The following ULK1 variants were observed in gnomAD, a reference collection of about 807,000 sequenced individuals.
The protein encoded by ULK1 is unc-51 like autophagy activating kinase 1, also known as serine/threonine-protein kinase ULK1.
Under a neutral mutation model 117.5 loss-of-function variants are expected in ULK1, and 48 were observed. The ratio of observed to expected loss-of-function variants is 0.41; its 90% confidence interval spans 0.32 to 0.52. The LOEUF (loss-of-function observed/expected upper bound fraction) is 0.52. Ranked by LOEUF, ULK1 falls within the 20% of genes least tolerant of loss-of-function variation. The pLI is 0.29. For missense variants in ULK1, 1,387 were observed against 1,473.4 expected, an observed-to-expected ratio of 0.94 and a Z score of 0.96; for synonymous variants, 790 against 637.8, an observed-to-expected ratio of 1.24 and a Z score of -3.60.
Position 131,921,972 on chromosome 12 carries a change from C to T in ULK1, c.*611C>T, listed in dbSNP as rs539576211. The T allele has an allele frequency of 2.5e-4, 114 of 456,202 alleles. 1 individual carries two copies. Among genetic ancestry groups the T allele is most frequent in the East Asian group, 2.0e-3 (29 of 14,394 alleles). The allele number at this position is 456,202 out of a possible 1,614,324, so 28.3% of individuals were successfully genotyped here. On this transcript the variant is annotated 3_prime_UTR_variant, in exon 28 of 28. Coordinates refer to ENST00000321867, the MANE Select transcript of ULK1 (RefSeq NM_003565.4). ...CCCCCCAAGCCCGAGCACCGGACCACGTTGCTGCCCAGGTCTGGACCTCAG... is the reference window on the plus strand; with the variant it reads ...CCCCCCAAGCCCGAGCACCGGACCATGTTGCTGCCCAGGTCTGGACCTCAG...
At chr12:131,919,157 C>G (rs1226204202) in intron 23 of ULK1, 55 bp from the exon 24 acceptor site, 2 of 1,537,298 alleles carry the variant, frequency 1.3e-6, no homozygotes, top group East Asian at 2.3e-5. Flanking sequence ...TGAAGGGAGA[C>G]AAGCCCCTTC....
intron 7 of ULK1, 60 bp from the exon 8 acceptor site, chr12:131,909,076 G>T: frequency 6.2e-7 from 1 of 1,604,954 alleles, no homozygotes. Context: ...GTGGCCTGGC[G>T]GGCACCTTCT....
intron 5 of ULK1, among the ~76,000 whole-genome samples, 181 bp from the exon 6 acceptor site, chr12:131,908,463 A>G (rs1202643332): frequency 2.0e-5 from 3 of 151,676 alleles, no homozygotes; most frequent in Admixed American, 2.0e-4. Flanking sequence ...CAGGAGCTTC[A>G]GGTGCGCCCT....
Position 131,921,947 on chromosome 12 carries a change from C to T in ULK1, c.*586C>T, listed in dbSNP as rs1890168372. 3 of 456,316 alleles carry T rather than the reference C, an allele frequency of 6.6e-6. No individual in the cohort carries two copies. Among genetic ancestry groups the T allele is most frequent in the Non-Finnish European group, 1.3e-5 (3 of 226,830 alleles). 28.3% of individuals were successfully genotyped at this position (456,316 alleles called of 1,614,324 possible). A position where few individuals can be genotyped will look rare whatever the true frequency, so the allele number is the denominator to read the frequency against. ...ACACATATGCAGACACATGCCAGGG[C>T]CCCCCAAGCCCGAGCACCGGACCAC... On this transcript the variant is annotated 3_prime_UTR_variant, in exon 28 of 28. Transcript: ENST00000321867.
At chr12:131,917,344 C>CTGTGGGATGGGGG in intron 21 of ULK1, 67 bp from the exon 22 acceptor site, 1 of 1,223,666 alleles carries the variant, frequency 8.2e-7, no homozygotes, top group Non-Finnish European at 1.1e-6. Context: ...TCGGGTTCGG[C>CTGTGGGATGGGGG]TCGGAGGCTG....
At chr12:131,918,349 GCTT>G in intron 22 of ULK1, 145 bp from the exon 23 acceptor site, 2 of 983,578 alleles carry the variant, frequency 2.0e-6, no homozygotes, top group Non-Finnish European at 2.9e-6. Context: ...GGCCTGCTGT[GCTT>G]CTCCTGTTGG....
Position 131,919,335 on chromosome 12 carries a change from C to G in ULK1, c.2635C>G (p.Gln879Glu). 6.4e-7 allele frequency: 1 copy of G among 1,573,740 alleles called. No homozygotes were observed. The highest frequency in any genetic ancestry group is 8.6e-7 in the Non-Finnish European group (1 of 1,162,816). The change falls in exon 24 of 28, where the codon CAG becomes GAG. Residue 879 changes from glutamine to glutamate, a missense_variant. Around this residue, in one of 4 missense-constraint regions of ULK1, gnomAD observed 900 missense variants for 858.9 expected, o/e 1.05. Coordinates refer to ENST00000321867, the MANE Select transcript of ULK1 (RefSeq NM_003565.4). The stretch of plus-strand genomic sequence containing the variant: ...GGCGGGGGGCCCTGAGTACCAGCTG[C>G]AGGAGAGTGTGGTGGCCGACCAGAT... The part of the protein sequence containing the change: ...EAAGGPEYQL[Q>E]ESVVADQISL...
intron 1 of ULK1, 54 bp from the exon 2 acceptor site, chr12:131,895,547 G>A (rs1181552310): frequency 1.4e-5 from 21 of 1,502,224 alleles, no homozygotes; most frequent in Non-Finnish European, 1.8e-5. Context: ...CTGGGGTCTG[G>A]GGGAGGCCTG....
At chr12:131,906,163 G>A (rs377645583) in intron 3 of ULK1, among the ~76,000 whole-genome samples, 9 of 152,008 alleles carry the variant, frequency 5.9e-5, no homozygotes, top group African/African-American at 1.7e-4. Context: ...GCACAGTCTC[G>A]GCTCACTGCA....
intron 3 of ULK1, among the ~76,000 whole-genome samples, chr12:131,900,903 G>C: frequency 6.6e-6 from 1 of 152,334 alleles, no homozygotes; most frequent in Middle Eastern, 3.4e-3. Flanking sequence ...CCGGGGGGCT[G>C]TCTGCAGTGT....
chr12:131,912,682 G>A (rs1421992836), intron 13 of ULK1, among the ~76,000 whole-genome samples: 2 of 152,258 alleles, frequency 1.3e-5, no homozygotes, highest in African/African-American at 4.8e-5. Flanking sequence ...TCTCCCATCA[G>A]CATGGCTTCT....
rs778422363 is a variant in ULK1, at chr12:131,915,951, C to T, written c.1670C>T (p.Ala557Val). The T allele has an allele frequency of 4.3e-6, 7 of 1,612,358 alleles. No individual in the cohort carries two copies. The highest frequency in any genetic ancestry group is 1.3e-5 in the African/African-American group (1 of 74,892). Residue 557 changes from alanine (A) to valine (V), a missense_variant, in exon 19 of 28, where the codon GCC becomes GTC. Around this residue, in one of 4 missense-constraint regions of ULK1, gnomAD observed 900 missense variants for 858.9 expected, o/e 1.05. Transcript: ENST00000321867. ...TSGLGCRLHSAPNLSDLHVVR... is the reference protein window; with the variant it reads ...TSGLGCRLHSVPNLSDLHVVR... ...GGGCTGGGCTGCCGCCTGCACAGCG[C>T]CCCCAACCTGTCTGACTTGCACGTC...
In ULK1 at chr12:131,915,814, G is replaced by T. The variant is rs971197475; in HGVS notation, c.1610-77G>T. 3 of 1,572,960 alleles carry T rather than the reference G, an allele frequency of 1.9e-6. 1 individual carries two copies. In the Admixed American group the frequency reaches 5.5e-5, roughly 29 times the overall value. The stretch of plus-strand genomic sequence containing the variant: ...GCCTTGGAGTGCGTCTACCCCAAGG[G>T]GCTCCGTGTGGTAGCAGTGGGGCCT... On this transcript the variant is annotated intron_variant, in intron 18 of 27. Coordinates refer to ENST00000321867, the MANE Select transcript of ULK1 (RefSeq NM_003565.4).
intron 3 of ULK1, among the ~76,000 whole-genome samples, chr12:131,904,881 C>T (rs1278688756): frequency 1.3e-5 from 2 of 152,086 alleles, no homozygotes; most frequent in African/African-American, 4.8e-5. Context: ...AGCTTCATCT[C>T]CCCCTCCTTC....
In ULK1 at chr12:131,908,953, C is replaced by T. The variant is rs1387373574; in HGVS notation, c.546C>T (p.Cys182=). ...LQSNMMAATL[C]GSPMYMAPEV... ...GCAACATGATGGCGGCCACACTCTG[C>T]GGCTCCCCCATGTACATGGTGTGTT... is the stretch of plus-strand genomic sequence containing the variant. The change falls in exon 7 of 28, where the codon TGC becomes TGT. Residue 182 remains cysteine, a synonymous_variant. Transcript: ENST00000321867. 1.9e-6 allele frequency: 3 copies of T among 1,612,554 alleles called. No individual in the cohort carries two copies. The highest frequency in any genetic ancestry group is 2.2e-5 in the East Asian group (1 of 44,882).
Position 131,917,410 on chromosome 12 carries a change from G to C in ULK1, c.2183-1G>C. ...TCCTGAGCCCTTCCTTGCTCTCCCAGCACCCTCAGCTGGCTTTGGAGGGAG... is the reference window on the plus strand; with the variant it reads ...TCCTGAGCCCTTCCTTGCTCTCCCACCACCCTCAGCTGGCTTTGGAGGGAG... On this transcript the variant is annotated splice_acceptor_variant, in intron 21 of 27. Coordinates refer to ENST00000321867, the MANE Select transcript of ULK1 (RefSeq NM_003565.4). LOFTEE classifies it high-confidence loss of function. 1 of 1,516,288 alleles carries C rather than the reference G, an allele frequency of 6.6e-7. No individual in the cohort carries two copies. Among genetic ancestry groups the C allele is most frequent in the South Asian group, 1.3e-5 (1 of 79,590 alleles). The allele number at this position is 1,516,288 out of a possible 1,614,324, so 93.9% of individuals were successfully genotyped here. A position where few individuals can be genotyped will look rare whatever the true frequency, so the allele number is the denominator to read the frequency against.
intron 23 of ULK1, 25 bp downstream of exon 23, chr12:131,918,706 T>G: frequency 7.1e-7 from 1 of 1,409,666 alleles, no homozygotes; most frequent in Non-Finnish European, 9.5e-7. Context: ...GAGCAAAGGT[T>G]CCCATTCTGG....
At chr12:131,912,135 G>T in intron 13 of ULK1, 46 bp downstream of exon 13, 1 of 1,576,570 alleles carries the variant, frequency 6.3e-7, no homozygotes. Flanking sequence ...AGGTGCGGCG[G>T]GGACAGTGCA....
intron 22 of ULK1, chr12:131,918,197 G>A: frequency 4.1e-6 from 2 of 491,256 alleles, no homozygotes; most frequent in South Asian, 5.3e-5. Context: ...AGTGGCAGCT[G>A]CCCTCCTCCC....
Sources: allele counts gnomAD v4.1 joint callset (sites outside exome capture counted in the v4.1 genomes callset), GRCh38; gene constraint gnomAD v4.1.1; regional missense constraint gnomAD v4.1.1; transcripts MANE v1.5; gene names NCBI Gene and HGNC (gene_info 2026-07-23, HGNC 2026-07-21).